The following FAF1 variants were observed in gnomAD, a reference collection of about 807,000 sequenced individuals.
FAF1 encodes the protein FAS-associated factor 1.
FAF1 carries 25 observed loss-of-function variants against 92.5 expected under a neutral mutation model. The ratio of observed to expected loss-of-function variants is 0.27; its 90% CI spans 0.20 to 0.38. FAF1 has a LOEUF of 0.38. Ranked by LOEUF, FAF1 falls within the 10% of genes least tolerant of loss-of-function variation. The pLI is 1.00. For missense variants in FAF1, 636 were observed against 793.3 expected (o/e 0.80, Z 2.38); for synonymous variants, 234 against 273.2 (o/e 0.86, Z 1.42).
At chr1:50,529,094 T>G (rs1033081043) in intron 15 of FAF1, among the ~76,000 whole-genome samples, 81 of 152,216 alleles carry the variant, frequency 5.3e-4, no homozygotes, top group African/African-American at 1.8e-3. Context: ...TGCATTTGAC[T>G]GTGTCAAGAG....
intron 1 of FAF1, among the ~76,000 whole-genome samples, chr1:50,871,462 G>A (rs1267984826): frequency 6.6e-6 from 1 of 152,230 alleles, no homozygotes; most frequent in Non-Finnish European, 1.5e-5. Flanking sequence ...AGGGGCTAAT[G>A]CAGATGGTGA....
chr1:50,605,954 T>C (rs1652363595), intron 8 of FAF1, among the ~76,000 whole-genome samples: 1 of 152,242 alleles, frequency 6.6e-6, no homozygotes, highest in Non-Finnish European at 1.5e-5. Context: ...TGATAACTAA[T>C]GTCATTTCTC....
chr1:50,478,233 G>A (rs927774039), intron 17 of FAF1, among the ~76,000 whole-genome samples: 15 of 150,680 alleles, frequency 1.0e-4, no homozygotes, highest in African/African-American at 3.4e-4. Context: ...GCGCAATCTC[G>A]GCTCTCTGCA....
intron 8 of FAF1, among the ~76,000 whole-genome samples, chr1:50,647,520 T>C (rs1025295932): frequency 6.6e-6 from 1 of 152,224 alleles, no homozygotes. Flanking sequence ...TTAAACTCTG[T>C]TAAATTTAAT....
intron 18 of FAF1, among the ~76,000 whole-genome samples, chr1:50,444,389 G>A (rs1056746426): frequency 3.3e-5 from 5 of 152,208 alleles, no homozygotes; most frequent in African/African-American, 1.2e-4. Flanking sequence ...GTTGCTATAT[G>A]GGTAGGGAGG....
chr1:50,524,702 C>T (rs553003517), intron 15 of FAF1, among the ~76,000 whole-genome samples: 3 of 152,014 alleles, frequency 2.0e-5, no homozygotes, highest in Non-Finnish European at 2.9e-5. Context: ...TGTAGGTGTG[C>T]GGTCTTATTT....
intron 4 of FAF1, among the ~76,000 whole-genome samples, 174 bp from the exon 5 acceptor site, chr1:50,744,949 T>C (rs558220300): frequency 7.2e-4 from 109 of 152,308 alleles, no homozygotes; most frequent in Admixed American, 2.5e-3. Context: ...TATCTTGCCT[T>C]AGGATCTGAG....
At chr1:50,542,475 A>G (rs1648804423) in intron 13 of FAF1, among the ~76,000 whole-genome samples, 1 of 152,196 alleles carries the variant, frequency 6.6e-6, no homozygotes, top group African/African-American at 2.4e-5. Flanking sequence ...TAGATGGGGA[A>G]AAACCAGTCA....
chr1:50,783,308 A>G (rs1261506500), intron 4 of FAF1, among the ~76,000 whole-genome samples: 2 of 152,174 alleles, frequency 1.3e-5, no homozygotes, highest in Non-Finnish European at 2.9e-5. Context: ...AAGCCTTCTC[A>G]CACTCTTCCG....
chr1:50,701,397 C>G (rs1424186670), intron 7 of FAF1, among the ~76,000 whole-genome samples: 1 of 132,242 alleles, frequency 7.6e-6, no homozygotes, highest in Non-Finnish European at 1.7e-5. Context: ...ACAAAACAAA[C>G]AAACCAAAAA....
intron 4 of FAF1, among the ~76,000 whole-genome samples, chr1:50,771,391 C>G (rs1467660006): frequency 6.6e-6 from 1 of 152,074 alleles, no homozygotes; most frequent in African/African-American, 2.4e-5. Flanking sequence ...GGTCTAATAT[C>G]CAGAATCTAT....
intron 7 of FAF1, among the ~76,000 whole-genome samples, chr1:50,694,996 TCTAA>T (rs372799502): frequency 1.3e-4 from 20 of 152,134 alleles, no homozygotes; most frequent in Middle Eastern, 3.4e-3. Flanking sequence ...ATTGATAGAT[TCTAA>T]CTGTCAGCAA....
intron 2 of FAF1, among the ~76,000 whole-genome samples, chr1:50,822,759 T>A (rs1381718740): frequency 2.5e-4 from 37 of 146,888 alleles, no homozygotes; most frequent in African/African-American, 9.4e-4. Flanking sequence ...TCTTTCTTTC[T>A]TTCTTTCTTT....
chr1:50,622,289 C>T (rs971924664), intron 8 of FAF1, among the ~76,000 whole-genome samples: 1 of 152,112 alleles, frequency 6.6e-6, no homozygotes, highest in Non-Finnish European at 1.5e-5. Flanking sequence ...CCCTCATTTC[C>T]TTAATACACC....
chr1:50,861,565 G>A (rs370078605), intron 1 of FAF1, among the ~76,000 whole-genome samples: 1 of 151,740 alleles, frequency 6.6e-6, no homozygotes, highest in Non-Finnish European at 1.5e-5. Context: ...CAGGGTAGGA[G>A]GTAGTAAGGG....
chr1:50,935,475 T>TC (rs993155946), intron 1 of FAF1, among the ~76,000 whole-genome samples: 2 of 112,306 alleles, frequency 1.8e-5, no homozygotes, highest in African/African-American at 3.6e-5. Context: ...TTACTCTCTC[T>TC]TTTTTTTTTT....
intron 18 of FAF1, among the ~76,000 whole-genome samples, chr1:50,474,995 A>G (rs1646620613): frequency 6.6e-6 from 1 of 152,260 alleles, no homozygotes; most frequent in African/African-American, 2.4e-5. Context: ...CAGTGAATAC[A>G]GGTCACCCTC....
At chr1:50,850,581 A>G (rs1644340008) in intron 2 of FAF1, among the ~76,000 whole-genome samples, 2 of 152,100 alleles carry the variant, frequency 1.3e-5, no homozygotes, top group African/African-American at 4.8e-5. Flanking sequence ...AGATGAGCAT[A>G]ATATAAAAAT....
At chr1:50,483,940 T>C (rs908903291) in intron 17 of FAF1, among the ~76,000 whole-genome samples, 2 of 152,114 alleles carry the variant, frequency 1.3e-5, no homozygotes, top group Non-Finnish European at 2.9e-5. Context: ...TTAAAACATA[T>C]TAAGTTTCTG....
Sources: gnomAD v4.1 joint callset for allele counts (sites outside exome capture counted in the v4.1 genomes callset) on GRCh38, gnomAD v4.1.1 for gene constraint, MANE v1.5 for transcripts, NCBI Gene and HGNC (gene_info 2026-07-23, HGNC 2026-07-21) for gene names.